Variants in ABLIM3 observed in about 807,000 individuals in gnomAD.
ABLIM3 encodes actin binding LIM protein family member 3.
Under a neutral mutation model 109.5 loss-of-function variants are expected in ABLIM3, and 61 were observed. The observed-to-expected ratio is 0.56, with a 90% CI of 0.45 to 0.69. The LOEUF (loss-of-function observed/expected upper bound fraction) is 0.69, where lower values mean the gene tolerates loss of function less well. Ranked by LOEUF, ABLIM3 falls within the 30% of genes least tolerant of loss-of-function variation. ABLIM3 has a pLI of 0.00. For missense variants in ABLIM3, 796 were observed against 889.5 expected (o/e 0.89, Z 1.34); for synonymous variants, 300 against 324.8 (o/e 0.92, Z 0.82).
chr5:149,192,112 C>G (rs1241244264), intron 3 of ABLIM3, among the ~76,000 whole-genome samples: 3 of 151,878 alleles, frequency 2.0e-5, no homozygotes, highest in Non-Finnish European at 4.4e-5. Context: ...AGATCAGGAA[C>G]AAGATAGAGG....
At chr5:149,142,537 C>T (rs1404007079) in intron 2 of ABLIM3, among the ~76,000 whole-genome samples, 1 of 152,140 alleles carries the variant, frequency 6.6e-6, no homozygotes, top group Non-Finnish European at 1.5e-5. Context: ...TGGGTGTGGG[C>T]AGGCAGTGGG....
chr5:149,153,479 C>A (rs905896510), intron 2 of ABLIM3, among the ~76,000 whole-genome samples: 1 of 152,154 alleles, frequency 6.6e-6, no homozygotes, highest in Non-Finnish European at 1.5e-5. Flanking sequence ...GTCTCAAGTT[C>A]AGAAAGAGGC....
intron 18 of ABLIM3, among the ~76,000 whole-genome samples, chr5:149,248,245 G>T (rs1753580875): frequency 6.6e-6 from 1 of 152,196 alleles, no homozygotes. Context: ...CCCAAACCCT[G>T]CAATGCCCCT....
chr5:149,232,127 G>A (rs925274300), intron 9 of ABLIM3, among the ~76,000 whole-genome samples: 5 of 152,080 alleles, frequency 3.3e-5, no homozygotes, highest in Admixed American at 6.5e-5. Flanking sequence ...CCAACATGGC[G>A]AAACCCCAAT....
rs754903810 is a variant in ABLIM3, at chr5:149,247,830, C to T, written c.1600C>T (p.Arg534Trp). 4.3e-6 allele frequency: 7 copies of T among 1,614,106 alleles called. No homozygotes were observed. Among genetic ancestry groups the T allele is most frequent in the Admixed American group, 3.3e-5 (2 of 60,006 alleles). Residue 534 changes from arginine (R) to tryptophan (W), a missense_variant, in exon 18 of 24, where the codon CGG becomes TGG. Coordinates refer to ENST00000309868, the MANE Select transcript of ABLIM3 (RefSeq NM_014945.5). ...GATTCTGAAGGAAGAAATGAAGGCC[C>T]GGTCGAGCTCCTATGCAGATCCCTG... is the stretch of plus-strand genomic sequence containing the variant. ...RLILKEEMKA[R>W]SSSYADPWTP... is the part of the protein sequence containing the mutation.
intron 3 of ABLIM3, among the ~76,000 whole-genome samples, chr5:149,197,757 C>T (rs1226999328): frequency 2.0e-5 from 3 of 152,220 alleles, no homozygotes; most frequent in South Asian, 4.1e-4. Flanking sequence ...CATATTTCCA[C>T]CAGCTGTGTG....
Position 149,200,441 on chromosome 5 carries a change from C to T in ABLIM3, c.448+13C>T, listed in dbSNP as rs1554087571. 2 of 1,610,868 alleles carry T rather than the reference C, an allele frequency of 1.2e-6. No homozygotes were observed. Among genetic ancestry groups the T allele is most frequent in the South Asian group, 2.2e-5 (2 of 90,998 alleles). On this transcript the variant is annotated intron_variant, in intron 5 of 23. Coordinates refer to ENST00000309868, the MANE Select transcript of ABLIM3 (RefSeq NM_014945.5). ...CGTGGACCAAGCCGTGAGTCCTCCC[C>T]ACGGGTATCTCCCTGTCCATGGGTG...
chr5:149,223,145 A>G (rs949119644), intron 8 of ABLIM3, among the ~76,000 whole-genome samples: 1 of 151,956 alleles, frequency 6.6e-6, no homozygotes, highest in Non-Finnish European at 1.5e-5. Flanking sequence ...TTTAGATTTT[A>G]AGGGTTACCA....
At chr5:149,202,225 G>A (rs1366152304) in intron 5 of ABLIM3, among the ~76,000 whole-genome samples, 1 of 152,162 alleles carries the variant, frequency 6.6e-6, no homozygotes, top group East Asian at 1.9e-4. Context: ...AGTCTCACAT[G>A]TGAGTATGTT....
intron 8 of ABLIM3, among the ~76,000 whole-genome samples, chr5:149,225,817 A>G (rs1041222981): frequency 1.3e-5 from 2 of 151,706 alleles, no homozygotes; most frequent in Non-Finnish European, 2.9e-5. Flanking sequence ...TTGGTTTTCC[A>G]TTCCCGAGTT....
intron 9 of ABLIM3, 31 bp downstream of exon 9, chr5:149,230,738 C>T (rs773116182): frequency 1.2e-5 from 20 of 1,612,542 alleles, no homozygotes; most frequent in Middle Eastern, 1.6e-4. Flanking sequence ...CAGACCAGCA[C>T]TCCTGCTTTG....
At chr5:149,146,342 G>A (rs974936984) in intron 2 of ABLIM3, among the ~76,000 whole-genome samples, 15 of 152,046 alleles carry the variant, frequency 9.9e-5, no homozygotes, top group African/African-American at 3.4e-4. Flanking sequence ...GTCGATTTTT[G>A]TTTTTGTTAC....
At chr5:149,144,317 A>G (rs945123034) in intron 2 of ABLIM3, among the ~76,000 whole-genome samples, 7 of 152,170 alleles carry the variant, frequency 4.6e-5, no homozygotes, top group African/African-American at 1.4e-4. Flanking sequence ...GCTTAACTCC[A>G]TCATCATGGA....
chr5:149,171,847 T>G (rs558947940), intron 2 of ABLIM3, among the ~76,000 whole-genome samples: 1 of 144,656 alleles, frequency 6.9e-6, no homozygotes, highest in East Asian at 2.1e-4. Context: ...GTGCCTCAAT[T>G]TCTTCATTAG....
At chr5:149,163,498 A>T (rs1225875262) in intron 2 of ABLIM3, among the ~76,000 whole-genome samples, 2 of 152,154 alleles carry the variant, frequency 1.3e-5, no homozygotes, top group Non-Finnish European at 2.9e-5. Context: ...GAAGTCCAAG[A>T]TCAAGGTATG....
intron 3 of ABLIM3, among the ~76,000 whole-genome samples, chr5:149,185,997 C>A (rs1756920672): frequency 6.6e-6 from 1 of 152,182 alleles, no homozygotes; most frequent in Non-Finnish European, 1.5e-5. Flanking sequence ...AAGTGGGAAT[C>A]CAATAGGAGA....
Position 149,258,296 on chromosome 5 carries a change from C to A in ABLIM3, c.1944C>A (p.His648Gln), listed in dbSNP as rs760845863. ...KDVDRTRLER[H>Q]LSQEEFYQVF... Reference sequence around the variant, plus strand: ...GCCTGCCCTGCCTCCTTCAGCGCCACCTGTCCCAGGAAGAGTTCTACCAAG... The same window carrying A: ...GCCTGCCCTGCCTCCTTCAGCGCCAACTGTCCCAGGAAGAGTTCTACCAAG... Residue 648 changes from histidine (H) to glutamine (Q), a missense_variant, in exon 24 of 24, where the codon CAC becomes CAA. Transcript: ENST00000309868. 1 of 1,613,704 alleles carries A rather than the reference C, an allele frequency of 6.2e-7. No individual in the cohort carries two copies. Among genetic ancestry groups the A allele is most frequent in the South Asian group, 1.1e-5 (1 of 91,038 alleles).
Position 149,205,570 on chromosome 5 carries a change from G to A in ABLIM3, c.449-1438G>A, listed in dbSNP as rs575587989. On this transcript the variant is annotated intron_variant, in intron 5 of 23. Coordinates refer to ENST00000309868, the MANE Select transcript of ABLIM3 (RefSeq NM_014945.5). ...CCCCTGTCTATCTGTAAAAGAGAAG[G>A]GGGTACCTGACCTCTCTAAACTATT... Among the ~76,000 whole-genome samples, 3 of 152,212 alleles carry A rather than the reference G, an allele frequency of 2.0e-5. No homozygotes were observed. In the South Asian group the frequency reaches 6.2e-4, roughly 32 times the overall value.
chr5:149,192,030 A>G (rs1369146458), intron 3 of ABLIM3, among the ~76,000 whole-genome samples: 4 of 152,138 alleles, frequency 2.6e-5, no homozygotes, highest in South Asian at 2.1e-4. Context: ...GAAAGCTGTC[A>G]TAATTGATAG....
Sources: allele counts gnomAD v4.1 joint callset (sites outside exome capture counted in the v4.1 genomes callset), GRCh38; gene constraint gnomAD v4.1.1; transcripts MANE v1.5; gene names NCBI Gene and HGNC (gene_info 2026-07-23, HGNC 2026-07-21).